FAM120A: variants seen among roughly 807,000 people sequenced by gnomAD.
The protein encoded by FAM120A is constitutive coactivator of PPAR-gamma-like protein 1.
In FAM120A, 15 loss-of-function variants were observed where a neutral mutation model predicts 109.7. The observed-to-expected ratio is 0.14, with a 90% confidence interval of 0.09 to 0.21. The LOEUF (loss-of-function observed/expected upper bound fraction) is 0.21. FAM120A is among the 10% of genes least tolerant of loss of function. The pLI is 1.00. For missense variants in FAM120A, 899 were observed against 1,439.3 expected, an observed-to-expected ratio of 0.62 and a Z score of 6.07; for synonymous variants, 493 against 572.8, an observed-to-expected ratio of 0.86 and a Z score of 1.99.
At position 93,561,360 on chromosome 9, in the gene FAM120A, C is replaced by A. The variant is rs12003916; in HGVS notation, c.2948+110C>A. ...ACATTTTTATATCATTAGATACATT[C>A]TTCTTTAATATCATTTGTATTTAAT... On this transcript the variant is annotated intron_variant, in intron 16 of 17. Transcript: ENST00000277165. The A allele has an allele frequency of 8.1e-5, 76 of 934,620 alleles. No individual in the cohort carries two copies. The African/African-American group carries it at 1.3e-3, about 15-fold the overall frequency. 57.9% of individuals were successfully genotyped at this position (934,620 alleles called of 1,614,324 possible). A position where few individuals can be genotyped will look rare whatever the true frequency, so the allele number is the denominator to read the frequency against.
intron 12 of FAM120A, 100 bp downstream of exon 12, chr9:93,550,791 C>T (rs1365585202): frequency 2.5e-6 from 2 of 804,182 alleles, no homozygotes; most frequent in East Asian, 5.4e-5. Flanking sequence ...ATTCTTTAAA[C>T]TAATTGCTTT....
At chr9:93,541,224 C>T (rs776343680) in intron 10 of FAM120A, among the ~76,000 whole-genome samples, 8 of 152,052 alleles carry the variant, frequency 5.3e-5, no homozygotes, top group Non-Finnish European at 1.0e-4. Context: ...AGCATATTGG[C>T]GAACAGCTCA....
chr9:93,530,749 G>A (rs1428054345), intron 9 of FAM120A: 2 of 152,198 alleles, frequency 1.3e-5, no homozygotes, highest in African/African-American at 4.8e-5. Flanking sequence ...AAAAGTAATT[G>A]TTGTGGGGAA....
At chr9:93,537,443 T>C (rs1233139086) in intron 10 of FAM120A, among the ~76,000 whole-genome samples, 4 of 152,278 alleles carry the variant, frequency 2.6e-5, no homozygotes, top group Admixed American at 2.6e-4. Flanking sequence ...CTTAATAAAA[T>C]TGGCTTTTGT....
chr9:93,487,132 A>G (rs1409044286), intron 3 of FAM120A, among the ~76,000 whole-genome samples: 2 of 151,708 alleles, frequency 1.3e-5, no homozygotes, highest in Admixed American at 1.3e-4. Context: ...AAATTGGGTT[A>G]TTTGTCTTTT....
rs905655335 is a variant in FAM120A at position 93,529,911 on chromosome 9, G to A, written c.1734+331G>A. 7.5e-6 allele frequency: 4 copies of A among 530,140 alleles called. 1 individual carries two copies. Among genetic ancestry groups the A allele is most frequent in the African/African-American group, 5.8e-5 (3 of 51,834 alleles). The allele number at this position is 530,140 out of a possible 1,614,324, so 32.8% of individuals were successfully genotyped here. ...TTCAGAATTTTCTTAAACCATATTT[G>A]TGCTGTAATGTCAGGTTTAATTCTG... On this transcript the variant is annotated intron_variant, in intron 9 of 17. Coordinates refer to ENST00000277165, the MANE Select transcript of FAM120A (RefSeq NM_014612.5).
intron 3 of FAM120A, among the ~76,000 whole-genome samples, chr9:93,484,276 A>G (rs10761230): frequency 0.26 from 39,938 of 152,024 alleles, 6,475 homozygotes; most frequent in East Asian, 0.43. Context: ...CTGGGAAGAA[A>G]GGGATACAAG....
At chr9:93,542,542 A>C (rs993505966) in intron 10 of FAM120A, among the ~76,000 whole-genome samples, 1 of 152,220 alleles carries the variant, frequency 6.6e-6, no homozygotes, top group South Asian at 2.1e-4. Context: ...TGTTACATCA[A>C]CTTAGAACTT....
chr9:93,562,973 A>G (rs949118731), intron 17 of FAM120A, among the ~76,000 whole-genome samples: 2 of 152,130 alleles, frequency 1.3e-5, no homozygotes, highest in African/African-American at 4.8e-5. Context: ...CGGTCCTGCT[A>G]TATTTTTATG....
intron 9 of FAM120A, chr9:93,530,935 G>A (rs888788518): frequency 6.6e-6 from 1 of 152,168 alleles, no homozygotes; most frequent in African/African-American, 2.4e-5. Flanking sequence ...ATCTATATGA[G>A]GGTTGCAAAT....
chr9:93,553,436 T>G (rs1862175098), intron 12 of FAM120A, among the ~76,000 whole-genome samples: 1 of 152,240 alleles, frequency 6.6e-6, no homozygotes, highest in African/African-American at 2.4e-5. Flanking sequence ...AGAATTATTT[T>G]GCATATAGGT....
At chr9:93,536,837 G>A (rs537997240) in intron 10 of FAM120A, among the ~76,000 whole-genome samples, 14 of 152,160 alleles carry the variant, frequency 9.2e-5, no homozygotes, top group Non-Finnish European at 1.9e-4. Context: ...TATTTTCCAC[G>A]CCTTTCTTTC....
intron 10 of FAM120A, among the ~76,000 whole-genome samples, chr9:93,541,633 A>T (rs1384757495): frequency 6.6e-6 from 1 of 152,232 alleles, no homozygotes; most frequent in East Asian, 1.9e-4. Context: ...AAACACTAAG[A>T]TATTCAAATG....
chr9:93,475,052 G>A (rs1398273339), intron 2 of FAM120A, among the ~76,000 whole-genome samples: 1 of 152,188 alleles, frequency 6.6e-6, no homozygotes, highest in Non-Finnish European at 1.5e-5. Context: ...GAATACAGGT[G>A]GAGTGTCCCT....
chr9:93,561,634 A>G (rs980522513), intron 16 of FAM120A, among the ~76,000 whole-genome samples: 3 of 152,112 alleles, frequency 2.0e-5, no homozygotes, highest in African/African-American at 7.2e-5. Flanking sequence ...AGCTCAACCA[A>G]TCCACCCACC....
In FAM120A at chr9:93,532,085, AT is replaced by A. The variant is rs1861351512; in HGVS notation, c.1735-67del. The A allele has an allele frequency of 1.2e-5, 17 of 1,399,690 alleles. No individual in the cohort carries two copies. In the Middle Eastern group the frequency reaches 9.0e-4, roughly 74 times the overall value. 86.7% of individuals were successfully genotyped at this position (1,399,690 alleles called of 1,614,324 possible). ...TCATTAACTGGAGATAATACAGTAT[AT>A]TTCTGTGAGTGTATTGTAAATTCAA... On this transcript the variant is annotated intron_variant, in intron 9 of 17. Coordinates refer to ENST00000277165, the MANE Select transcript of FAM120A (RefSeq NM_014612.5). This position sits in a 1 kb window ranked among gnomAD's most constrained non-coding sequence, Gnocchi z 4.3.
At position 93,558,080 on chromosome 9, in the gene FAM120A, T is replaced by A. The variant is rs1308352151; in HGVS notation, c.2668+70T>A. ...TCCTGTAAAGAAAGTGCAGCCCTTA[T>A]AGGCAAGCCCATCTGCTGTGTTGAC... On this transcript the variant is annotated intron_variant, in intron 14 of 17. Transcript: ENST00000277165. 8 of 1,424,710 alleles carry A rather than the reference T, an allele frequency of 5.6e-6. No homozygotes were observed. The East Asian group carries it at 1.5e-4, about 27-fold the overall frequency. 88.3% of individuals were successfully genotyped at this position (1,424,710 alleles called of 1,614,324 possible).
rs1203409334 is a variant in FAM120A at position 93,529,753 on chromosome 9, GTAAA to G, written c.1734+176_1734+179del. On this transcript the variant is annotated intron_variant, in intron 9 of 17. Transcript: ENST00000277165. ...GAATGAAAGATGAACATTTATAACT[GTAAA>G]TAGTTTTAAAATAACTCGTGAAAAG... 4 of 657,708 alleles carry G rather than the reference GTAAA, an allele frequency of 6.1e-6. No individual in the cohort carries two copies. The African/African-American group carries it at 7.3e-5, about 12-fold the overall frequency. 40.7% of individuals were successfully genotyped at this position (657,708 alleles called of 1,614,324 possible). A position where few individuals can be genotyped will look rare whatever the true frequency, so the allele number is the denominator to read the frequency against.
chr9:93,552,397 A>G (rs1027554337), intron 12 of FAM120A, among the ~76,000 whole-genome samples: 1 of 152,244 alleles, frequency 6.6e-6, no homozygotes, highest in Non-Finnish European at 1.5e-5. Context: ...ATGTATGTAT[A>G]GTAAACTTCA....
Sources: allele counts gnomAD v4.1 joint callset (sites outside exome capture counted in the v4.1 genomes callset), GRCh38; gene constraint gnomAD v4.1.1; non-coding constraint Gnocchi (gnomAD v3.1); transcripts MANE v1.5; gene names NCBI Gene and HGNC (gene_info 2026-07-23, HGNC 2026-07-21).